SLC4A10: variants seen among roughly 807,000 people sequenced by gnomAD.
SLC4A10 encodes sodium-driven chloride bicarbonate exchanger.
In SLC4A10, 42 loss-of-function variants were observed where a neutral mutation model predicts 137.7. The ratio of observed to expected loss-of-function variants is 0.30; its 90% CI spans 0.24 to 0.39. SLC4A10 has a LOEUF of 0.39. Among genes scored for constraint, SLC4A10 ranks in the 10% least tolerant of loss-of-function variants. The probability of loss-of-function intolerance (pLI) is 1.00; values close to 1 mark genes in which losing one functional copy is unlikely to be tolerated. For missense variants in SLC4A10, 925 were observed against 1,355.0 expected, an observed-to-expected ratio of 0.68 and a Z score of 4.98; for synonymous variants, 474 against 464.1, an observed-to-expected ratio of 1.02 and a Z score of -0.27.
At chr2:161,912,938 C>A (rs1215647615) in intron 15 of SLC4A10, among the ~76,000 whole-genome samples, 1 of 152,024 alleles carries the variant, frequency 6.6e-6, no homozygotes, top group African/African-American at 2.4e-5. Flanking sequence ...ATTTTTGTGC[C>A]TGATGTCGCT....
chr2:161,768,927 G>A (rs2051223161), intron 1 of SLC4A10, among the ~76,000 whole-genome samples: 1 of 151,886 alleles, frequency 6.6e-6, no homozygotes, highest in African/African-American at 2.4e-5. Context: ...AAGGATGCTA[G>A]GGTTCCTATC....
At chr2:161,947,442 T>G (rs1353104973) in intron 16 of SLC4A10, 124 bp from the exon 17 acceptor site, 1 of 950,440 alleles carries the variant, frequency 1.1e-6, no homozygotes, top group African/African-American at 1.7e-5. Flanking sequence ...GCTAAATCAT[T>G]GTGAGAGCCA....
At chr2:161,750,484 T>TTCC (rs2048855192) in intron 1 of SLC4A10, among the ~76,000 whole-genome samples, 1 of 151,852 alleles carries the variant, frequency 6.6e-6, no homozygotes, top group African/African-American at 2.4e-5. Context: ...GATTCCTTCT[T>TTCC]TGTTTCAGTG....
intron 1 of SLC4A10, among the ~76,000 whole-genome samples, chr2:161,642,717 G>A (rs532962688): frequency 2.6e-5 from 4 of 152,072 alleles, no homozygotes; most frequent in Non-Finnish European, 5.9e-5. Flanking sequence ...TTAGGGAGGT[G>A]AAATTCTAAT....
At chr2:161,823,149 A>G (rs1005470640) in intron 3 of SLC4A10, among the ~76,000 whole-genome samples, 1 of 152,188 alleles carries the variant, frequency 6.6e-6, no homozygotes, top group African/African-American at 2.4e-5. Flanking sequence ...CATAAAATCT[A>G]CACAAATCTA....
chr2:161,749,379 C>T (rs1011282619), intron 1 of SLC4A10, among the ~76,000 whole-genome samples: 1 of 151,742 alleles, frequency 6.6e-6, no homozygotes, highest in Non-Finnish European at 1.5e-5. Context: ...TCAGTTTTCC[C>T]CAGTTGATTA....
chr2:161,663,169 G>A (rs759401712), intron 1 of SLC4A10, among the ~76,000 whole-genome samples: 1 of 152,056 alleles, frequency 6.6e-6, no homozygotes, highest in Non-Finnish European at 1.5e-5. Flanking sequence ...GCCATATCTT[G>A]TTTCATTTCT....
At chr2:161,840,458 A>G (rs1161755854) in intron 4 of SLC4A10, among the ~76,000 whole-genome samples, 1 of 152,236 alleles carries the variant, frequency 6.6e-6, no homozygotes, top group Non-Finnish European at 1.5e-5. Context: ...ATCATTTGTA[A>G]TTAAGATTTT....
At chr2:161,731,834 T>G (rs1181045028) in intron 1 of SLC4A10, among the ~76,000 whole-genome samples, 1 of 152,220 alleles carries the variant, frequency 6.6e-6, no homozygotes, top group Non-Finnish European at 1.5e-5. Context: ...CCTGTCAAAA[T>G]TCCCTGAATA....
intron 1 of SLC4A10, among the ~76,000 whole-genome samples, chr2:161,662,274 A>G (rs2038523931): frequency 6.6e-6 from 1 of 152,064 alleles, no homozygotes; most frequent in Non-Finnish European, 1.5e-5. Flanking sequence ...GAACAATCAA[A>G]CCTCTTTATT....
intron 21 of SLC4A10, among the ~76,000 whole-genome samples, chr2:161,960,665 A>G (rs1007814361): frequency 6.6e-6 from 1 of 151,200 alleles, no homozygotes; most frequent in Admixed American, 6.6e-5. Context: ...GATCGCATTG[A>G]GCCGAGATCA....
chr2:161,817,941 T>G (rs1475583511), intron 3 of SLC4A10, among the ~76,000 whole-genome samples: 1 of 151,634 alleles, frequency 6.6e-6, no homozygotes, highest in African/African-American at 2.4e-5. Flanking sequence ...TCTTTTGGCT[T>G]AGGATTGACT....
chr2:161,941,909 G>A (rs1018460828), intron 15 of SLC4A10, among the ~76,000 whole-genome samples: 2 of 152,134 alleles, frequency 1.3e-5, no homozygotes, highest in African/African-American at 2.4e-5. Flanking sequence ...TTTCCCTAGT[G>A]AGAGCAAGAA....
intron 1 of SLC4A10, among the ~76,000 whole-genome samples, chr2:161,749,714 A>G (rs1001811420): frequency 1.3e-5 from 2 of 151,672 alleles, no homozygotes; most frequent in African/African-American, 4.8e-5. Context: ...AGTGGCCTGT[A>G]GTTGTTTTTT....
At chr2:161,932,358 C>G (rs1052049952) in intron 15 of SLC4A10, among the ~76,000 whole-genome samples, 5 of 152,144 alleles carry the variant, frequency 3.3e-5, no homozygotes, top group Non-Finnish European at 7.4e-5. Flanking sequence ...CAAATTGACA[C>G]TTTGAGGGAG....
At chr2:161,904,655 G>A (rs749184898) in intron 13 of SLC4A10, 121 bp from the exon 14 acceptor site, 2 of 1,229,428 alleles carry the variant, frequency 1.6e-6, no homozygotes, top group South Asian at 3.4e-5. Context: ...CTTGCCCAGG[G>A]TTGCTAGACT....
At chr2:161,898,993 A>G (rs1230947096) in intron 11 of SLC4A10, among the ~76,000 whole-genome samples, 1 of 152,058 alleles carries the variant, frequency 6.6e-6, no homozygotes, top group Non-Finnish European at 1.5e-5. Flanking sequence ...CCTCACTCTC[A>G]TATGCTGATG....
intron 2 of SLC4A10, among the ~76,000 whole-genome samples, chr2:161,800,391 T>C (rs62190673): frequency 0.066 from 10,080 of 152,098 alleles, 436 homozygotes; most frequent in East Asian, 0.15. Context: ...ATTTATTCAA[T>C]GGATATTTAT....
chr2:161,759,636 A>G (rs1313739480), intron 1 of SLC4A10, among the ~76,000 whole-genome samples: 1 of 151,892 alleles, frequency 6.6e-6, no homozygotes, highest in Non-Finnish European at 1.5e-5. Context: ...TCTGTTGATC[A>G]TTTTTATGTC....
Sources: gnomAD v4.1 joint callset for allele counts (sites outside exome capture counted in the v4.1 genomes callset) on GRCh38, gnomAD v4.1.1 for gene constraint, MANE v1.5 for transcripts, NCBI Gene and HGNC (gene_info 2026-07-23, HGNC 2026-07-21) for gene names.